USP37: variants seen among roughly 807,000 people sequenced by gnomAD.
USP37 encodes ubiquitin specific peptidase 37.
In USP37, 27 loss-of-function variants were observed where a neutral mutation model predicts 124.0. The ratio of observed to expected loss-of-function variants is 0.22; its 90% CI spans 0.16 to 0.30. USP37 has a LOEUF of 0.30. Ranked by LOEUF, USP37 falls within the 10% of genes least tolerant of loss-of-function variation. The probability of loss-of-function intolerance (pLI) is 1.00; values close to 1 mark genes in which losing one functional copy is unlikely to be tolerated. For synonymous variants in USP37, 365 were observed against 388.0 expected, an observed-to-expected ratio of 0.94 and a Z score of 0.70; for missense variants, 889 against 1,140.4, an observed-to-expected ratio of 0.78 and a Z score of 3.17.
intron 23 of USP37, among the ~76,000 whole-genome samples, chr2:218,459,523 AC>A (rs1408736299): frequency 6.6e-6 from 1 of 152,234 alleles, no homozygotes; most frequent in African/African-American, 2.4e-5. Flanking sequence ...GTAATTTAAT[AC>A]ATACATGCCT....
chr2:218,507,416 T>G (rs1157745873), intron 11 of USP37, among the ~76,000 whole-genome samples: 1 of 151,960 alleles, frequency 6.6e-6, no homozygotes, highest in Non-Finnish European at 1.5e-5. Context: ...CCTCGGCCCC[T>G]CAAAGTGCTG....
intron 10 of USP37, chr2:218,528,918 T>C (rs1691144148): frequency 2.5e-6 from 1 of 398,110 alleles, no homozygotes; most frequent in Non-Finnish European, 4.4e-6. Context: ...TTCACTGCTG[T>C]AATACAGCTT....
chr2:218,513,917 C>T (rs763283556), intron 10 of USP37, among the ~76,000 whole-genome samples: 15 of 152,150 alleles, frequency 9.9e-5, no homozygotes, highest in Admixed American at 3.9e-4. Flanking sequence ...TCAAGAGATC[C>T]TCCCATCTCA....
rs571299949 is a variant in USP37 at position 218,495,651 on chromosome 2, C to T, written c.1472+109G>A. 1.5e-5 allele frequency: 19 copies of T among 1,248,688 alleles called. No individual in the cohort carries two copies. The South Asian group carries it at 2.8e-4, about 19-fold the overall frequency. The allele number at this position is 1,248,688 out of a possible 1,614,324, so 77.4% of individuals were successfully genotyped here. On this transcript the variant is annotated intron_variant, in intron 14 of 25. Coordinates refer to ENST00000258399, the MANE Select transcript of USP37 (RefSeq NM_020935.3). Reference sequence around the variant, plus strand: ...AGAGCCTAGGCAACTGTGTGAGACCCTGTCTTAAAAACAGAAAAGAATTCA... The same window carrying T: ...AGAGCCTAGGCAACTGTGTGAGACCTTGTCTTAAAAACAGAAAAGAATTCA...
chr2:218,484,083 C>T (rs1691409277), intron 16 of USP37, among the ~76,000 whole-genome samples: 1 of 151,764 alleles, frequency 6.6e-6, no homozygotes, highest in Non-Finnish European at 1.5e-5. Context: ...CGCTTGAACC[C>T]AGGAGGCGGG....
chr2:218,531,469 C>T (rs1374688321), intron 9 of USP37, among the ~76,000 whole-genome samples: 1 of 152,238 alleles, frequency 6.6e-6, no homozygotes, highest in Non-Finnish European at 1.5e-5. Flanking sequence ...CACCTAGTAA[C>T]ACAAGAGCTC....
At chr2:218,558,033 C>A (rs1481620459) in intron 4 of USP37, among the ~76,000 whole-genome samples, 2 of 149,314 alleles carry the variant, frequency 1.3e-5, no homozygotes, top group Non-Finnish European at 3.0e-5. Context: ...ATAAAGATAA[C>A]CTTGAATAAT....
rs758424863 is a variant in USP37, at chr2:218,474,666, T to C, written c.2263A>G (p.Met755Val). 33 of 1,614,094 alleles carry C rather than the reference T, an allele frequency of 2.0e-5. No homozygotes were observed. The East Asian group carries it at 3.8e-4, about 19-fold the overall frequency. ...IQEMPENPDT[M>V]ETEKPKTITE... is the part of the protein sequence containing the mutation. ...ATTGTTTTGGGCTTCTCAGTTTCCA[T>C]AGTGTCTGGATTTTCTGGCATTTCT... Residue 755 changes from methionine to valine, a missense_variant, in exon 20 of 26, where the codon ATG becomes GTG. Coordinates refer to ENST00000258399, the MANE Select transcript of USP37 (RefSeq NM_020935.3).
At chr2:218,492,462 A>C (rs749525190) in intron 14 of USP37, among the ~76,000 whole-genome samples, 1 of 152,206 alleles carries the variant, frequency 6.6e-6, no homozygotes, top group Non-Finnish European at 1.5e-5. Context: ...CAGGCTTTTA[A>C]ATTTTATAAG....
intron 2 of USP37, 67 bp downstream of exon 2, chr2:218,562,606 A>G (rs1250005434): frequency 1.0e-5 from 4 of 397,012 alleles, no homozygotes; most frequent in Non-Finnish European, 1.8e-5. Flanking sequence ...AACAAACACA[A>G]AACTGTCAGT....
At chr2:218,504,846 T>A (rs1220157182) in intron 11 of USP37, among the ~76,000 whole-genome samples, 3 of 152,032 alleles carry the variant, frequency 2.0e-5, no homozygotes, top group Non-Finnish European at 4.4e-5. Context: ...CTTGGCCTCC[T>A]GAAGTGTTGG....
At chr2:218,504,477 G>A (rs937808823) in intron 11 of USP37, among the ~76,000 whole-genome samples, 14 of 152,144 alleles carry the variant, frequency 9.2e-5, no homozygotes, top group African/African-American at 3.1e-4. Context: ...TTAGGCTGGA[G>A]CACAGTGGCA....
intron 14 of USP37, among the ~76,000 whole-genome samples, chr2:218,489,736 C>T (rs1691815519): frequency 6.6e-6 from 1 of 152,030 alleles, no homozygotes; most frequent in Non-Finnish European, 1.5e-5. Flanking sequence ...CCTCGGCCTC[C>T]CAAAATGCTG....
At chr2:218,484,364 A>G (rs759251975) in intron 16 of USP37, among the ~76,000 whole-genome samples, 8 of 151,968 alleles carry the variant, frequency 5.3e-5, no homozygotes, top group Non-Finnish European at 8.8e-5. Flanking sequence ...GCTTATGCCT[A>G]TAATCCCAGC....
At chr2:218,477,029 T>C (rs1402913197) in intron 18 of USP37, 48 bp from the exon 19 acceptor site, 1 of 1,441,844 alleles carries the variant, frequency 6.9e-7, no homozygotes, top group East Asian at 2.5e-5. Flanking sequence ...TTTGTCTTTG[T>C]TATTCTTTTA....
intron 23 of USP37, among the ~76,000 whole-genome samples, chr2:218,457,912 C>A (rs529613240): frequency 6.6e-6 from 1 of 151,490 alleles, no homozygotes; most frequent in South Asian, 2.1e-4. Context: ...AGCTGGCGGG[C>A]GCCTGTAGTC....
intron 11 of USP37, among the ~76,000 whole-genome samples, chr2:218,503,488 G>A (rs1689506251): frequency 6.6e-6 from 1 of 152,188 alleles, no homozygotes; most frequent in African/African-American, 2.4e-5. Flanking sequence ...GGCCGAGGCG[G>A]GCAGATCACC....
intron 16 of USP37, among the ~76,000 whole-genome samples, chr2:218,482,814 AAGGCTTTTAGCTCTTT>A (rs1235057673): frequency 1.9e-4 from 29 of 152,292 alleles, no homozygotes; most frequent in African/African-American, 6.5e-4. Context: ...TGGGTCTGTA[AAGGCTTTTAGCTCTTT>A]AGAAGCACTG....
chr2:218,560,534 C>G (rs569080752), intron 3 of USP37, among the ~76,000 whole-genome samples: 133 of 152,282 alleles, frequency 8.7e-4, no homozygotes, highest in African/African-American at 2.7e-3. Context: ...CATAATACCT[C>G]TTTCTCCAAA....
Sources: gnomAD v4.1 joint callset for allele counts (sites outside exome capture counted in the v4.1 genomes callset) on GRCh38, gnomAD v4.1.1 for gene constraint, MANE v1.5 for transcripts, NCBI Gene and HGNC (gene_info 2026-07-23, HGNC 2026-07-21) for gene names.